Variants in TSPAN5 observed in about 807,000 individuals in gnomAD.
The protein encoded by TSPAN5 is tetraspanin-5.
A neutral mutation model predicts 37.1 loss-of-function variants in TSPAN5; 10 were observed. The observed-to-expected ratio is 0.27, with a 90% CI of 0.17 to 0.46. The LOEUF (loss-of-function observed/expected upper bound fraction) is 0.46. TSPAN5 is among the 20% of genes least tolerant of loss of function. TSPAN5 has a pLI of 1.00. For missense variants in TSPAN5, 195 were observed against 326.6 expected (o/e 0.60, Z 3.11); for synonymous variants, 110 against 118.9 (o/e 0.93, Z 0.48).
At chr4:98,496,872 AGGTTCT>A (rs1753223793) in intron 2 of TSPAN5, among the ~76,000 whole-genome samples, 1 of 152,158 alleles carries the variant, frequency 6.6e-6, no homozygotes, top group Non-Finnish European at 1.5e-5. Context: ...GATTTAATAG[AGGTTCT>A]GGTATGGACT....
At chr4:98,639,687 G>A (rs754802311) in intron 1 of TSPAN5, among the ~76,000 whole-genome samples, 7 of 152,148 alleles carry the variant, frequency 4.6e-5, no homozygotes, top group South Asian at 2.1e-4. Flanking sequence ...CATATCCTTC[G>A]CTCAATATGG....
At chr4:98,496,313 G>A (rs564570186) in intron 2 of TSPAN5, 4 of 152,372 alleles carry the variant, frequency 2.6e-5, no homozygotes, top group Admixed American at 1.3e-4. Flanking sequence ...AACTGCTGCA[G>A]AGGCCAGAGT....
At chr4:98,535,870 T>G (rs1754220391) in intron 1 of TSPAN5, among the ~76,000 whole-genome samples, 1 of 152,228 alleles carries the variant, frequency 6.6e-6, no homozygotes, top group Non-Finnish European at 1.5e-5. Context: ...TGTGCTGTTT[T>G]TTCAGTGCCA....
intron 5 of TSPAN5, among the ~76,000 whole-genome samples, 164 bp downstream of exon 5, chr4:98,478,521 T>C (rs986769812): frequency 6.6e-6 from 1 of 152,176 alleles, no homozygotes; most frequent in African/African-American, 2.4e-5. Flanking sequence ...CCAGCAATTA[T>C]TACTCCTACT....
intron 1 of TSPAN5, among the ~76,000 whole-genome samples, chr4:98,635,821 G>A (rs1004577881): frequency 1.3e-5 from 2 of 152,192 alleles, no homozygotes. Context: ...TATCATTATA[G>A]ATTTAGGTAT....
intron 1 of TSPAN5, among the ~76,000 whole-genome samples, chr4:98,516,116 C>T (rs1578960475): frequency 6.6e-6 from 1 of 152,168 alleles, no homozygotes; most frequent in South Asian, 2.1e-4. Context: ...CAATATTAAT[C>T]GAGTTAGCTC....
intron 1 of TSPAN5, among the ~76,000 whole-genome samples, chr4:98,536,214 T>G (rs746513995): frequency 6.6e-6 from 1 of 152,188 alleles, no homozygotes; most frequent in Non-Finnish European, 1.5e-5. Context: ...ATGGGGTCTT[T>G]AAGCAGATGT....
At chr4:98,603,127 G>A (rs1755923332) in intron 1 of TSPAN5, among the ~76,000 whole-genome samples, 1 of 152,058 alleles carries the variant, frequency 6.6e-6, no homozygotes, top group African/African-American at 2.4e-5. Flanking sequence ...AAAGTCTCAG[G>A]TTCTTTTCAT....
At chr4:98,534,943 T>G (rs1213523648) in intron 1 of TSPAN5, among the ~76,000 whole-genome samples, 1 of 152,210 alleles carries the variant, frequency 6.6e-6, no homozygotes, top group African/African-American at 2.4e-5. Flanking sequence ...GTGAGTTGGA[T>G]CTCCTGAATA....
At chr4:98,617,793 G>A (rs180925522) in intron 1 of TSPAN5, among the ~76,000 whole-genome samples, 32 of 152,322 alleles carry the variant, frequency 2.1e-4, no homozygotes, top group Middle Eastern at 3.4e-3. Context: ...CACCAGCTGA[G>A]TAGCAGCAGC....
chr4:98,642,955 T>C (rs1756989352), intron 1 of TSPAN5, among the ~76,000 whole-genome samples: 1 of 152,026 alleles, frequency 6.6e-6, no homozygotes, highest in Non-Finnish European at 1.5e-5. Context: ...TAAGCTGAGG[T>C]TAATTATTGA....
chr4:98,570,066 GAACAA>G (rs1248161216), intron 1 of TSPAN5, among the ~76,000 whole-genome samples: 5 of 152,068 alleles, frequency 3.3e-5, no homozygotes, highest in Non-Finnish European at 7.4e-5. Context: ...AAGAGAGAGA[GAACAA>G]AACTTTTTCA....
intron 1 of TSPAN5, among the ~76,000 whole-genome samples, chr4:98,621,162 G>C (rs1756471328): frequency 6.6e-6 from 1 of 152,074 alleles, no homozygotes; most frequent in Non-Finnish European, 1.5e-5. Flanking sequence ...ACCACGGAAT[G>C]ACAAAGATGG....
At chr4:98,569,159 T>C (rs1053616059) in intron 1 of TSPAN5, among the ~76,000 whole-genome samples, 1 of 152,208 alleles carries the variant, frequency 6.6e-6, no homozygotes, top group Non-Finnish European at 1.5e-5. Flanking sequence ...CATCTGATTA[T>C]GATTTGGCTT....
chr4:98,623,240 G>A (rs1012032002), intron 1 of TSPAN5, among the ~76,000 whole-genome samples: 3 of 152,082 alleles, frequency 2.0e-5, no homozygotes, highest in Admixed American at 6.5e-5. Context: ...CTCCCCCAAG[G>A]GAACTGCATG....
At chr4:98,490,935 G>C (rs754272563) in intron 2 of TSPAN5, among the ~76,000 whole-genome samples, 1 of 152,010 alleles carries the variant, frequency 6.6e-6, no homozygotes, top group Non-Finnish European at 1.5e-5. Context: ...GGCAGCACGC[G>C]CCTGTAGTTC....
intron 1 of TSPAN5, among the ~76,000 whole-genome samples, chr4:98,574,277 A>C (rs1341483338): frequency 6.6e-6 from 1 of 152,116 alleles, no homozygotes. Context: ...ATTTTTTCTA[A>C]ACTTACCAAC....
At chr4:98,592,421 G>GTTTTTTTT (rs1204813183) in intron 1 of TSPAN5, among the ~76,000 whole-genome samples, 92 of 95,190 alleles carry the variant, frequency 9.7e-4, no homozygotes, top group African/African-American at 3.3e-3. Flanking sequence ...AGGGATCTCT[G>GTTTTTTTT]TTTTTTGTTT....
intron 1 of TSPAN5, among the ~76,000 whole-genome samples, chr4:98,562,901 A>G (rs2110170864): frequency 1.3e-5 from 2 of 152,286 alleles, no homozygotes; most frequent in South Asian, 4.1e-4. Context: ...TCTAGGAAGA[A>G]TGTGTCCAAA....
Sources: allele counts gnomAD v4.1 joint callset (sites outside exome capture counted in the v4.1 genomes callset), GRCh38; gene constraint gnomAD v4.1.1; transcripts MANE v1.5; gene names NCBI Gene and HGNC (gene_info 2026-07-23, HGNC 2026-07-21).